Variants in DRC3 observed in about 807,000 individuals in gnomAD.
DRC3 encodes the protein leucine rich repeat containing 48.
In DRC3, 45 loss-of-function variants were observed where a neutral mutation model predicts 57.6. The observed-to-expected ratio is 0.78, with a 90% CI of 0.62 to 1.00. DRC3 has a LOEUF of 1.00. Among genes scored for constraint, DRC3 ranks in the 50% least tolerant of loss-of-function variants. The pLI is 0.00. For missense variants in DRC3, 655 were observed against 675.2 expected, an observed-to-expected ratio of 0.97 and a Z score of 0.33; for synonymous variants, 257 against 272.3, an observed-to-expected ratio of 0.94 and a Z score of 0.55.
intron 1 of DRC3, chr17:17,973,611 T>A (rs2042240753): frequency 6.7e-6 from 1 of 148,300 alleles, no homozygotes; most frequent in South Asian, 2.1e-4. Context: ...TTAAGAAAAA[T>A]TTTGTTCATT....
rs370010040 is a variant in DRC3, at chr17:18,007,558, C to T, written c.1326+411C>T. ...GGTGTTGGAACCACCATTTCTGATC[C>T]TGCACAATGCCATCCGGTTTGCACC... On this transcript the variant is annotated intron_variant, in intron 12 of 13. Transcript: ENST00000399187. The T allele has an allele frequency of 1.6e-5, 24 of 1,506,910 alleles. No individual in the cohort carries two copies. In the African/African-American group the frequency reaches 1.8e-4, roughly 11 times the overall value. 93.3% of individuals were successfully genotyped at this position (1,506,910 alleles called of 1,614,324 possible). A position where few individuals can be genotyped will look rare whatever the true frequency, so the allele number is the denominator to read the frequency against.
At chr17:17,973,581 GTGAT>G (rs1414596088) in intron 1 of DRC3, 1 of 151,788 alleles carries the variant, frequency 6.6e-6, no homozygotes, top group African/African-American at 2.4e-5. Context: ...CATTCAGTAA[GTGAT>G]TGATTTTATT....
intron 12 of DRC3, among the ~76,000 whole-genome samples, chr17:18,013,568 CAT>C (rs1568550293): frequency 6.6e-6 from 1 of 152,178 alleles, no homozygotes; most frequent in African/African-American, 2.4e-5. Context: ...TGTTCTCACT[CAT>C]ATGCCGAAGC....
intron 9 of DRC3, 106 bp downstream of exon 9, chr17:17,997,740 C>T (rs1219690066): frequency 9.4e-7 from 1 of 1,065,288 alleles, no homozygotes; most frequent in East Asian, 2.8e-5. Flanking sequence ...CCTCTGATGA[C>T]CCCTGAGGCC....
intron 4 of DRC3, among the ~76,000 whole-genome samples, chr17:17,987,384 T>A (rs2043012017): frequency 1.3e-5 from 2 of 152,114 alleles, no homozygotes; most frequent in Admixed American, 1.3e-4. Context: ...CTGGCCCCAC[T>A]GTGGTTAGCT....
rs780550602 is a variant in DRC3 at position 17,988,046 on chromosome 17, T to C, written c.392T>C (p.Val131Ala). 6 of 1,613,848 alleles carry C rather than the reference T, an allele frequency of 3.7e-6. No homozygotes were observed. In the East Asian group the frequency reaches 6.7e-5, roughly 18 times the overall value. The change falls in exon 5 of 14, where the codon GTC becomes GCC. Residue 131 changes from valine to alanine, a missense_variant. By Grantham distance (64) the Val-to-Ala change is moderately conservative (BLOSUM62 0). Transcript: ENST00000399187. Reference sequence around the variant, plus strand: ...AAGATCGACTCCCTGGACGCCCTCGTCAAGCTGCAGGTGTTGTCGCTGGGC... The same window carrying C: ...AAGATCGACTCCCTGGACGCCCTCGCCAAGCTGCAGGTGTTGTCGCTGGGC... ...ISKIDSLDAL[V>A]KLQVLSLGNN...
At chr17:17,988,209 T>A in intron 5 of DRC3, 111 bp downstream of exon 5, 1 of 1,176,892 alleles carries the variant, frequency 8.5e-7, no homozygotes, top group Non-Finnish European at 1.2e-6. Flanking sequence ...TCAGATCTTC[T>A]CATTTTCCTG....
At chr17:17,986,170 G>A (rs372670010) in intron 4 of DRC3, among the ~76,000 whole-genome samples, 4 of 152,074 alleles carry the variant, frequency 2.6e-5, no homozygotes, top group Admixed American at 6.6e-5. Flanking sequence ...CCTCAGCCTC[G>A]CAAAGTGCCG....
At chr17:18,000,331 CCT>C (rs1438864309) in intron 9 of DRC3, among the ~76,000 whole-genome samples, 9 of 129,816 alleles carry the variant, frequency 6.9e-5, no homozygotes, top group South Asian at 2.6e-4. Context: ...CATAGCATGC[CCT>C]GTTCTGTACT....
At chr17:17,983,638 G>C (rs1164923399) in intron 3 of DRC3, among the ~76,000 whole-genome samples, 190 bp from the exon 4 acceptor site, 1 of 152,082 alleles carries the variant, frequency 6.6e-6, no homozygotes, top group Non-Finnish European at 1.5e-5. Context: ...TGGCAGTACC[G>C]ATCCCCGCCC....
At chr17:17,991,008 A>C (rs556633946) in intron 5 of DRC3, among the ~76,000 whole-genome samples, 1 of 151,768 alleles carries the variant, frequency 6.6e-6, no homozygotes, top group East Asian at 1.9e-4. Context: ...ATAATAATAA[A>C]TTAAAAAGAA....
chr17:17,986,466 CTTTT>C (rs35727404), intron 4 of DRC3, among the ~76,000 whole-genome samples: 3 of 133,254 alleles, frequency 2.3e-5, no homozygotes, highest in Admixed American at 7.5e-5. Context: ...CCCAAATCAC[CTTTT>C]TTTTTTTTTT....
In DRC3 at chr17:17,983,849, T is replaced by C; in HGVS notation, c.182T>C (p.Leu61Pro). Residue 61 changes from leucine to proline, a missense_variant, in exon 4 of 14, where the codon CTC (leucine) becomes CCC (proline). Physicochemically the swap from Leu to Pro is moderately conservative, Grantham distance 98 (BLOSUM62 -3). Coordinates refer to ENST00000399187, the MANE Select transcript of DRC3 (RefSeq NM_031294.4). ...TCAGACATCCTCCGCATAGACAACC[T>C]CTGGCAGTTTGAGAACTTGAGGAAG... is the stretch of plus-strand genomic sequence containing the variant. Reference protein sequence around the residue: ...DFRNILRIDNLWQFENLRKLQ... With the variant: ...DFRNILRIDNPWQFENLRKLQ... The C allele has an allele frequency of 6.2e-7, 1 of 1,613,230 alleles. No homozygotes were observed. Among genetic ancestry groups the C allele is most frequent in the Non-Finnish European group, 8.5e-7 (1 of 1,179,352 alleles).
At chr17:18,010,859 A>G in intron 12 of DRC3, 1 of 368,134 alleles carries the variant, frequency 2.7e-6, no homozygotes, top group Non-Finnish European at 5.3e-6. Flanking sequence ...AAGTCCCTGG[A>G]AGAGATCTAT....
At chr17:17,989,893 C>T (rs905649401) in intron 5 of DRC3, among the ~76,000 whole-genome samples, 2 of 152,200 alleles carry the variant, frequency 1.3e-5, no homozygotes, top group East Asian at 1.9e-4. Context: ...CTCATGGCTA[C>T]AGCTGAAGCC....
At chr17:18,003,080 T>A (rs1476310370) in intron 9 of DRC3, among the ~76,000 whole-genome samples, 1 of 152,050 alleles carries the variant, frequency 6.6e-6, no homozygotes, top group Non-Finnish European at 1.5e-5. Flanking sequence ...ACAAAGAGGT[T>A]TGGGCTAAGG....
Position 17,983,964 on chromosome 17 carries a change from G to A in DRC3, c.277+20G>A, listed in dbSNP as rs2042836164. 1 of 1,501,126 alleles carries A rather than the reference G, an allele frequency of 6.7e-7. No homozygotes were observed. 93.0% of individuals were successfully genotyped at this position (1,501,126 alleles called of 1,614,324 possible). On this transcript the variant is annotated intron_variant, in intron 4 of 13. Transcript: ENST00000399187. The stretch of plus-strand genomic sequence containing the variant: ...GGCTGGGTAAGGCCCTTTCCTCTGT[G>A]TGTCCACCCTAATCGAAGGTGACAC...
intron 9 of DRC3, among the ~76,000 whole-genome samples, chr17:18,000,080 G>T (rs902006087): frequency 3.2e-5 from 3 of 94,826 alleles, no homozygotes; most frequent in Non-Finnish European, 6.9e-5. Flanking sequence ...TTGCTTTCGT[G>T]TGTGTGTGTG....
chr17:18,004,823 C>A, intron 10 of DRC3: 2 of 256,594 alleles, frequency 7.8e-6, no homozygotes, highest in African/African-American at 2.2e-5. Context: ...ACTTGGGGAC[C>A]AAACAAAGAC....
Sources: allele counts gnomAD v4.1 joint callset (sites outside exome capture counted in the v4.1 genomes callset), GRCh38; gene constraint gnomAD v4.1.1; transcripts MANE v1.5; gene names NCBI Gene and HGNC (gene_info 2026-07-23, HGNC 2026-07-21).